The following ROCK1 variants were observed in gnomAD, a reference collection of about 807,000 sequenced individuals.
The protein encoded by ROCK1 is Rho associated coiled-coil containing protein kinase 1, also known as rho-associated protein kinase 1.
Under a neutral mutation model 196.8 loss-of-function variants are expected in ROCK1, and 36 were observed. The observed-to-expected ratio is 0.18, with a 90% CI of 0.14 to 0.24. The LOEUF is 0.24. ROCK1 is among the 10% of genes least tolerant of loss of function. The probability of loss-of-function intolerance (pLI) is 1.00; values close to 1 mark genes in which losing one functional copy is unlikely to be tolerated. For synonymous variants in ROCK1, 443 were observed against 515.9 expected (o/e 0.86, Z 1.91); for missense variants, 920 against 1,562.0 (o/e 0.59, Z 6.93).
intron 18 of ROCK1, among the ~76,000 whole-genome samples, chr18:20,988,819 A>AT (rs970475400): frequency 5.6e-4 from 84 of 151,284 alleles, no homozygotes; most frequent in Middle Eastern, 3.4e-3. Context: ...ATGTATTATT[A>AT]TTTTTTTTTG....
chr18:21,003,301 G>A (rs1159343301), intron 16 of ROCK1, among the ~76,000 whole-genome samples: 2 of 151,938 alleles, frequency 1.3e-5, no homozygotes, highest in Non-Finnish European at 2.9e-5. Context: ...AAGGGAGGAG[G>A]AAAATACAGA....
At chr18:20,971,381 T>C in intron 22 of ROCK1, among the ~76,000 whole-genome samples, 1 of 149,496 alleles carries the variant, frequency 6.7e-6, no homozygotes, top group African/African-American at 2.5e-5. Flanking sequence ...CCAACAGCTA[T>C]TTACTTGAAG....
rs557626384 is a variant in ROCK1 at position 20,947,320 on chromosome 18, G to T, written c.*4064C>A. The T allele has an allele frequency of 6.6e-6, 1 of 151,908 alleles. No homozygotes were observed. The highest frequency in any genetic ancestry group is 2.4e-5 in the African/African-American group (1 of 41,424). The allele number at this position is 151,908 out of a possible 1,614,324, so 9.4% of individuals were successfully genotyped here. A position where few individuals can be genotyped will look rare whatever the true frequency, so the allele number is the denominator to read the frequency against. On this transcript the variant is annotated 3_prime_UTR_variant, in exon 33 of 33. Coordinates refer to ENST00000399799, the MANE Select transcript of ROCK1 (RefSeq NM_005406.3). ...ATGAAGGAATTGGTGGGGTGGGGTG[G>T]GGTTTAGGAAGTGCAGACTGACTTT...
chr18:20,970,523 T>C lies in ROCK1; in HGVS notation c.2655-10A>G. The C allele has an allele frequency of 6.3e-7, 1 of 1,579,724 alleles. No homozygotes were observed. Among genetic ancestry groups the C allele is most frequent in the Non-Finnish European group, 8.6e-7 (1 of 1,157,788 alleles). On this transcript the variant is annotated splice_polypyrimidine_tract_variant and intron_variant, in intron 22 of 32. Transcript: ENST00000399799. ...AGTAGCAAGAGTTTCTCTGCAACAA[T>C]TTTTTAAGAGAAACTGATGTAAACA...
Position 20,949,951 on chromosome 18 carries a change from T to C in ROCK1, c.*1433A>G, listed in dbSNP as rs1263164657. 1 of 152,700 alleles carries C rather than the reference T, an allele frequency of 6.5e-6. No homozygotes were observed. The highest frequency in any genetic ancestry group is 1.5e-5 in the Non-Finnish European group (1 of 68,050). The allele number at this position is 152,700 out of a possible 1,614,324, so 9.5% of individuals were successfully genotyped here. ...GTATATTAATAACAGATATGTTTAT[T>C]ATTACATATCCATCAGTGCGGCTTT... On this transcript the variant is annotated 3_prime_UTR_variant, in exon 33 of 33. Coordinates refer to ENST00000399799, the MANE Select transcript of ROCK1 (RefSeq NM_005406.3).
intron 2 of ROCK1, among the ~76,000 whole-genome samples, chr18:21,057,057 G>A (rs1166089894): frequency 6.6e-6 from 1 of 152,168 alleles, no homozygotes; most frequent in African/African-American, 2.4e-5. Context: ...TCCTATGGCA[G>A]ATTTTGACCT....
intron 4 of ROCK1, among the ~76,000 whole-genome samples, chr18:21,047,452 A>G (rs1008377635): frequency 6.6e-6 from 1 of 152,200 alleles, no homozygotes; most frequent in Admixed American, 6.5e-5. Context: ...TAAGCCTGAG[A>G]AACTCTGATC....
At chr18:20,969,406 T>C (rs796781812) in intron 23 of ROCK1, 198 bp from the exon 24 acceptor site, 5 of 465,234 alleles carry the variant, frequency 1.1e-5, no homozygotes, top group African/African-American at 8.0e-5. Flanking sequence ...AATTATTTCA[T>C]TGTATGCATA....
At chr18:20,960,814 T>C (rs1189330063) in intron 27 of ROCK1, 1 of 152,154 alleles carries the variant, frequency 6.6e-6, no homozygotes, top group Non-Finnish European at 1.5e-5. Context: ...TTGTAACTAT[T>C]TCAATAAAAT....
chr18:20,959,700 T>C (rs1454207348), intron 29 of ROCK1, 140 bp downstream of exon 29: 22 of 474,882 alleles, frequency 4.6e-5, no homozygotes, highest in Non-Finnish European at 5.2e-5. Context: ...TAATATAATG[T>C]CAACATTTAT....
chr18:20,993,745 T>C (rs111634510), intron 16 of ROCK1, among the ~76,000 whole-genome samples: 4 of 152,368 alleles, frequency 2.6e-5, no homozygotes, highest in African/African-American at 9.6e-5. Flanking sequence ...ATTTAGTAAT[T>C]GTCTACTCAT....
At chr18:21,049,562 T>A (rs1271594449) in intron 3 of ROCK1, among the ~76,000 whole-genome samples, 1 of 152,252 alleles carries the variant, frequency 6.6e-6, no homozygotes, top group African/African-American at 2.4e-5. Flanking sequence ...TATCTTCTGA[T>A]GCCTGACACT....
rs2035527225 is a variant in ROCK1, at chr18:20,980,986, A to C, written c.2560-982T>G. Among the ~76,000 whole-genome samples the C allele has an allele frequency of 3.9e-5, 6 of 152,234 alleles. No individual in the cohort carries two copies. In the South Asian group the frequency reaches 1.2e-3, roughly 32 times the overall value. On this transcript the variant is annotated intron_variant, in intron 21 of 32. Transcript: ENST00000399799. ...TAGATTTGGGAAGACGTTATAAAGA[A>C]ATTTAACACATATTACTAATTTAAA...
At chr18:21,046,724 TA>T (rs893332301) in intron 4 of ROCK1, among the ~76,000 whole-genome samples, 6 of 152,004 alleles carry the variant, frequency 3.9e-5, no homozygotes, top group East Asian at 1.9e-4. Flanking sequence ...AGAATTAAAC[TA>T]AAAAAAACAA....
intron 12 of ROCK1, among the ~76,000 whole-genome samples, chr18:21,017,972 CA>C (rs1280220978): frequency 1.4e-5 from 2 of 138,308 alleles, no homozygotes; most frequent in Admixed American, 7.3e-5. Context: ...GACTCTGCCT[CA>C]AAAAAAATAA....
Position 21,045,390 on chromosome 18 carries a change from T to C in ROCK1, c.492A>G (p.Leu164=). Residue 164 remains leucine, a synonymous_variant, in exon 5 of 33, where the codon TTA becomes TTG. Coordinates refer to ENST00000399799, the MANE Select transcript of ROCK1 (RefSeq NM_005406.3). ...EYMPGGDLVN[L]MSNYDVPEKW... ...TTTCAGGCACATCATAGTTGCTCAT[T>C]AAGTTTACAAGATCTCCACCAGGCA... is the stretch of plus-strand genomic sequence containing the variant. 1 of 1,613,634 alleles carries C rather than the reference T, an allele frequency of 6.2e-7. No individual in the cohort carries two copies. The highest frequency in any genetic ancestry group is 8.5e-7 in the Non-Finnish European group (1 of 1,179,876).
chr18:20,959,157 T>TTATA lies in ROCK1; in HGVS notation c.3512+679_3512+682dup, dbSNP rs1335812455. Among the ~76,000 whole-genome samples the TTATA allele has an allele frequency of 2.9e-5, 2 of 69,432 alleles. 1 individual carries two copies. The highest frequency in any genetic ancestry group is 1.4e-4 in the African/African-American group (2 of 13,932). 45.6% of individuals were successfully genotyped at this position (69,432 alleles called of 152,430 possible). ...ATATATATTATATAAAATATATATATTATATATTATATAATATATATAATA... is the reference window on the plus strand; with the variant it reads ...ATATATATTATATAAAATATATATATTATATATATATTATATAATATATATAATA... On this transcript the variant is annotated intron_variant, in intron 29 of 32. Coordinates refer to ENST00000399799, the MANE Select transcript of ROCK1 (RefSeq NM_005406.3).
At chr18:21,022,256 C>T (rs1463334029) in intron 11 of ROCK1, among the ~76,000 whole-genome samples, 1 of 152,052 alleles carries the variant, frequency 6.6e-6, no homozygotes, top group Non-Finnish European at 1.5e-5. Context: ...TTCCTGTTAA[C>T]CCAAAAGGAC....
Position 20,951,069 on chromosome 18 carries a change from C to G in ROCK1, c.*315G>C, listed in dbSNP as rs886195402. 85 of 249,704 alleles carry G rather than the reference C, an allele frequency of 3.4e-4. 1 individual carries two copies. Among genetic ancestry groups the G allele is most frequent in the Non-Finnish European group, 5.4e-4 (71 of 131,356 alleles). The allele number at this position is 249,704 out of a possible 1,614,324, so 15.5% of individuals were successfully genotyped here. On this transcript the variant is annotated 3_prime_UTR_variant, in exon 33 of 33. Coordinates refer to ENST00000399799, the MANE Select transcript of ROCK1 (RefSeq NM_005406.3). ...TTACTCATATGAGGAAAACTCTGTT[C>G]TATCACGACTGACAGGCATTTTCTT...
Sources: allele counts gnomAD v4.1 joint callset (sites outside exome capture counted in the v4.1 genomes callset), GRCh38; gene constraint gnomAD v4.1.1; transcripts MANE v1.5; gene names NCBI Gene and HGNC (gene_info 2026-07-23, HGNC 2026-07-21).